The following BICD2 variants were observed in gnomAD, a reference collection of about 807,000 sequenced individuals.
BICD2 encodes the protein BICD cargo adaptor 2, also known as protein bicaudal D homolog 2.
BICD2 carries 25 observed loss-of-function variants against 72.9 expected under a neutral mutation model. The observed-to-expected ratio is 0.34, with a 90% CI of 0.25 to 0.48. The LOEUF (loss-of-function observed/expected upper bound fraction) is 0.48, where lower values mean the gene tolerates loss of function less well. Among genes scored for constraint, BICD2 ranks in the 20% least tolerant of loss-of-function variants. The probability of loss-of-function intolerance (pLI) is 0.99; values close to 1 mark genes in which losing one functional copy is unlikely to be tolerated. For missense variants in BICD2, 894 were observed against 1,175.2 expected, an observed-to-expected ratio of 0.76 and a Z score of 3.50; for synonymous variants, 501 against 516.1, an observed-to-expected ratio of 0.97 and a Z score of 0.40.
At chr9:92,761,084 G>A (rs979767942) in intron 1 of BICD2, among the ~76,000 whole-genome samples, 11 of 152,150 alleles carry the variant, frequency 7.2e-5, no homozygotes, top group African/African-American at 2.7e-4. Context: ...GCAGCAGGCA[G>A]GGGAATTTTA....
At chr9:92,724,695 G>A (rs951245688) in intron 2 of BICD2, among the ~76,000 whole-genome samples, 5 of 152,204 alleles carry the variant, frequency 3.3e-5, no homozygotes, top group African/African-American at 1.2e-4. Context: ...TACACGGGGG[G>A]TGGATAGGGA....
chr9:92,764,624 T>A lies in BICD2; in HGVS notation c.121A>T (p.Ile41Phe). Residue 41 changes from isoleucine (I) to phenylalanine (F), a missense_variant, in exon 1 of 7, where the codon ATC becomes TTC. Ile to Phe is a conservative substitution (Grantham distance 21, BLOSUM62 0). Around this residue, in one of 5 missense-constraint regions of BICD2, gnomAD observed 192 missense variants for 243.6 expected, o/e 0.79. Coordinates refer to ENST00000356884, the MANE Select transcript of BICD2 (RefSeq NM_001003800.2). This position sits in a 1 kb window ranked among gnomAD's most constrained non-coding sequence, Gnocchi z 5.5. ...HELAETTREK[I>F]QAAEYGLAVL... ...GCCAGCCCGTACTCGGCCGCCTGGA[T>A]CTTCTCACGCGTGGTCTCGGCCAGC... The A allele has an allele frequency of 1.3e-6, 2 of 1,594,674 alleles. No homozygotes were observed. The highest frequency in any genetic ancestry group is 8.5e-7 in the Non-Finnish European group (1 of 1,171,916).
chr9:92,746,409 G>A (rs1453234410), intron 1 of BICD2, among the ~76,000 whole-genome samples: 2 of 151,956 alleles, frequency 1.3e-5, no homozygotes, highest in African/African-American at 4.8e-5. Flanking sequence ...GCAGGGGCCT[G>A]TAATCTCAAC....
chr9:92,764,186 C>A lies in BICD2; in HGVS notation c.240+319G>T, dbSNP rs1241728485. Among the ~76,000 whole-genome samples the A allele has an allele frequency of 2.0e-5, 3 of 151,834 alleles. No homozygotes were observed. The highest frequency in any genetic ancestry group is 7.3e-5 in the African/African-American group (3 of 41,344). ...CCACACTCAGACACACCCGGAACAG[C>A]GACCACCGCAAAGCATCAGCCCTTA... is the stretch of plus-strand genomic sequence containing the variant. On this transcript the variant is annotated intron_variant, in intron 1 of 6. Transcript: ENST00000356884. The surrounding 1 kb of genome is among the most constrained non-coding windows in gnomAD (Gnocchi z 5.5).
chr9:92,762,593 A>G (rs1223602743), intron 1 of BICD2, among the ~76,000 whole-genome samples: 1 of 152,208 alleles, frequency 6.6e-6, no homozygotes, highest in East Asian at 1.9e-4. Flanking sequence ...CCTCTTCCTG[A>G]TTCTGCTAGG....
intron 6 of BICD2, among the ~76,000 whole-genome samples, chr9:92,716,648 C>T (rs1264843407): frequency 6.6e-6 from 1 of 152,244 alleles, no homozygotes; most frequent in East Asian, 1.9e-4. Context: ...CAGGGCTGAC[C>T]CCATGGTGCT....
At chr9:92,754,315 C>T (rs1488597288) in intron 1 of BICD2, among the ~76,000 whole-genome samples, 2 of 152,196 alleles carry the variant, frequency 1.3e-5, no homozygotes, top group Non-Finnish European at 2.9e-5. Flanking sequence ...TGCGTGTATC[C>T]TGTGTATCCT....
intron 6 of BICD2, 75 bp downstream of exon 6, chr9:92,717,722 G>C: frequency 1.3e-6 from 2 of 1,489,314 alleles, no homozygotes; most frequent in Non-Finnish European, 1.8e-6. Context: ...GCAGTGAGAG[G>C]CTAAGGGTTC....
rs1853260640 is a variant in BICD2 at position 92,714,461 on chromosome 9, C to T, written c.*693G>A. The T allele has an allele frequency of 1.0e-6, 1 of 985,494 alleles. No individual in the cohort carries two copies. 61.0% of individuals were successfully genotyped at this position (985,494 alleles called of 1,614,324 possible). ...ACCTCACAGGCCACTATACAAGCAT[C>T]CTGATCTCAGAAATGAGAAACCGAG... On this transcript the variant is annotated 3_prime_UTR_variant, in exon 7 of 7. Transcript: ENST00000356884.
chr9:92,737,514 T>G (rs767777156), intron 1 of BICD2, among the ~76,000 whole-genome samples: 6 of 152,158 alleles, frequency 3.9e-5, no homozygotes, highest in Non-Finnish European at 8.8e-5. Flanking sequence ...CGTGGGAGAC[T>G]GGGTGGCTTT....
intron 1 of BICD2, among the ~76,000 whole-genome samples, chr9:92,732,747 T>C (rs1195552141): frequency 1.3e-5 from 2 of 152,162 alleles, no homozygotes; most frequent in African/African-American, 4.8e-5. Flanking sequence ...ACTTTAGAGA[T>C]ACAAAAGCTG....
rs564045541 is a variant in BICD2, at chr9:92,728,192, C to T, written c.453+832G>A. Among the ~76,000 whole-genome samples the T allele has an allele frequency of 9.8e-5, 15 of 152,322 alleles. No individual in the cohort carries two copies. In the South Asian group the frequency reaches 3.1e-3, roughly 32 times the overall value. Reference sequence around the variant, plus strand: ...CAACCTTCCCAAATCCTGCTTTGGCCACATCGTTCCCCTGGGCTCCCCAGT... The same window carrying T: ...CAACCTTCCCAAATCCTGCTTTGGCTACATCGTTCCCCTGGGCTCCCCAGT... On this transcript the variant is annotated intron_variant, in intron 2 of 6. Transcript: ENST00000356884.
chr9:92,720,780 G>C lies in BICD2; in HGVS notation c.607-25C>G, dbSNP rs747537087. 7.5e-6 allele frequency: 12 copies of C among 1,603,280 alleles called. No individual in the cohort carries two copies. Among genetic ancestry groups the C allele is most frequent in the African/African-American group, 4.0e-5 (3 of 74,566 alleles). ...CCTGGGAAGAGAAGTCAACGCTCTT[G>C]CATCAATGCAATGTGGAAGCTCCTT... On this transcript the variant is annotated intron_variant, in intron 3 of 6. Transcript: ENST00000356884. The surrounding 1 kb of genome is among the most constrained non-coding windows in gnomAD (Gnocchi z 5.4).
intron 1 of BICD2, among the ~76,000 whole-genome samples, chr9:92,748,109 TCTC>T (rs1854053511): frequency 6.6e-6 from 1 of 152,080 alleles, no homozygotes; most frequent in South Asian, 2.1e-4. Flanking sequence ...TTTTGGGACA[TCTC>T]CTCTTTCATC....
intron 1 of BICD2, among the ~76,000 whole-genome samples, chr9:92,758,218 A>G (rs139104066): frequency 0.037 from 5,455 of 148,890 alleles, 141 homozygotes; most frequent in Middle Eastern, 0.078. Flanking sequence ...AATAATAATA[A>G]TAATAATAAT....
chr9:92,725,155 G>A (rs540415355), intron 2 of BICD2, among the ~76,000 whole-genome samples: 1 of 152,214 alleles, frequency 6.6e-6, no homozygotes, highest in Admixed American at 6.5e-5. Flanking sequence ...TACCATTAGG[G>A]TCCCCCAGAG....
At chr9:92,728,288 GCCCAAGAGCCAAGCTGGTT>G (rs1431625598) in intron 2 of BICD2, among the ~76,000 whole-genome samples, 6 of 152,238 alleles carry the variant, frequency 3.9e-5, no homozygotes, top group African/African-American at 1.4e-4. Flanking sequence ...CCCTATCAGG[GCCCAAGAGCCAAGCTGGTT>G]CCTCTGACTT....
chr9:92,745,126 G>A (rs1164207305), intron 1 of BICD2, among the ~76,000 whole-genome samples: 2 of 152,134 alleles, frequency 1.3e-5, no homozygotes, highest in Non-Finnish European at 2.9e-5. Flanking sequence ...AGGAAATGGT[G>A]GCAAGAAATG....
At chr9:92,747,420 T>C (rs1854036925) in intron 1 of BICD2, among the ~76,000 whole-genome samples, 2 of 152,190 alleles carry the variant, frequency 1.3e-5, no homozygotes, top group African/African-American at 2.4e-5. Context: ...GCCAGGCTCC[T>C]GGGTGAGGTC....
Sources: gnomAD v4.1 joint callset for allele counts (sites outside exome capture counted in the v4.1 genomes callset) on GRCh38, gnomAD v4.1.1 for gene constraint, gnomAD v4.1.1 regional missense constraint, Gnocchi (gnomAD v3.1) non-coding constraint, MANE v1.5 for transcripts, NCBI Gene and HGNC (gene_info 2026-07-23, HGNC 2026-07-21) for gene names.